CPSF7: variants seen among roughly 807,000 people sequenced by gnomAD.
CPSF7 encodes the protein cleavage and polyadenylation specificity factor subunit 7.
In CPSF7, 1 loss-of-function variant was observed where a neutral mutation model predicts 44.3. That is an observed-to-expected ratio of 0.02 (90% CI 0.01 to 0.11). CPSF7 has a LOEUF of 0.11. Ranked by LOEUF, CPSF7 falls within the 10% of genes least tolerant of loss-of-function variation. CPSF7 has a pLI of 1.00. For synonymous variants in CPSF7, 202 were observed against 222.0 expected (o/e 0.91, Z 0.80); for missense variants, 443 against 607.2 (o/e 0.73, Z 2.84).
intron 9 of CPSF7, chr11:61,410,564 C>T (rs1859764353): frequency 6.0e-6 from 1 of 167,930 alleles, no homozygotes; most frequent in Admixed American, 5.9e-5. Flanking sequence ...TGGACTCTCT[C>T]ACTAAAACTT....
intron 9 of CPSF7, among the ~76,000 whole-genome samples, chr11:61,405,307 ATGTGTGTACAC>A (rs1334610710): frequency 3.9e-5 from 6 of 152,180 alleles, no homozygotes; most frequent in Non-Finnish European, 8.8e-5. Flanking sequence ...CTTTATGAGT[ATGTGTGTACAC>A]AAACACAGCC....
At chr11:61,417,398 CT>C (rs1166900445) in intron 5 of CPSF7, among the ~76,000 whole-genome samples, 1 of 152,210 alleles carries the variant, frequency 6.6e-6, no homozygotes, top group East Asian at 1.9e-4. Flanking sequence ...TGTCAAGTCA[CT>C]TGGTTAAACT....
intron 5 of CPSF7, among the ~76,000 whole-genome samples, chr11:61,418,249 G>C (rs547754741): frequency 6.6e-6 from 1 of 152,316 alleles, no homozygotes; most frequent in African/African-American, 2.4e-5. Context: ...TATTTTGAGA[G>C]CTGGACCTAA....
rs1267508540 is a variant in CPSF7 at position 61,420,670 on chromosome 11, C to T, written c.274-97G>A. ...GGATTCTAGTCACAACTAAGTCCCC[C>T]CAGAGGAAACTCAAAAGCCTGGCAA... On this transcript the variant is annotated intron_variant, in intron 3 of 9. Transcript: ENST00000439958. The T allele has an allele frequency of 3.4e-5, 30 of 871,564 alleles. No homozygotes were observed. The South Asian group carries it at 3.9e-4, about 11-fold the overall frequency. The allele number at this position is 871,564 out of a possible 1,614,324, so 54.0% of individuals were successfully genotyped here. A position where few individuals can be genotyped will look rare whatever the true frequency, so the allele number is the denominator to read the frequency against.
intron 9 of CPSF7, among the ~76,000 whole-genome samples, chr11:61,409,671 T>G (rs1859672929): frequency 6.6e-6 from 1 of 151,618 alleles, no homozygotes; most frequent in South Asian, 2.1e-4. Flanking sequence ...ACCGTTTTTT[T>G]TTTTTTAAAG....
rs1236675484 is a variant in CPSF7, at chr11:61,418,623, C to T, written c.523+1326G>A. On this transcript the variant is annotated intron_variant, in intron 5 of 9. Transcript: ENST00000439958. ...CCTAATTGGGAAACCAAATTAGCATCAGAAAGTGGCTTAGTGAGTACAGTC... is the reference window on the plus strand; with the variant it reads ...CCTAATTGGGAAACCAAATTAGCATTAGAAAGTGGCTTAGTGAGTACAGTC... Among the ~76,000 whole-genome samples, 4 of 152,236 alleles carry T rather than the reference C, an allele frequency of 2.6e-5. No homozygotes were observed. In the East Asian group the frequency reaches 7.7e-4, roughly 29 times the overall value.
intron 7 of CPSF7, among the ~76,000 whole-genome samples, chr11:61,413,117 G>C (rs1860000305): frequency 6.6e-6 from 1 of 151,964 alleles, no homozygotes; most frequent in East Asian, 1.9e-4. Context: ...TAGAGATGGG[G>C]TCTCACTATG....
At chr11:61,405,004 CTT>C (rs1859177179) in intron 9 of CPSF7, among the ~76,000 whole-genome samples, 4 of 152,140 alleles carry the variant, frequency 2.6e-5, no homozygotes, top group Admixed American at 2.6e-4. Flanking sequence ...GAAAAGGAGA[CTT>C]TGGCTGCAAA....
At chr11:61,407,958 G>A (rs1015555057) in intron 9 of CPSF7, among the ~76,000 whole-genome samples, 4 of 151,780 alleles carry the variant, frequency 2.6e-5, no homozygotes, top group African/African-American at 7.3e-5. Flanking sequence ...TCCAGATATC[G>A]CCATCCCAAA....
intron 5 of CPSF7, among the ~76,000 whole-genome samples, chr11:61,417,431 C>G (rs1312319559): frequency 1.3e-5 from 2 of 152,200 alleles, no homozygotes; most frequent in African/African-American, 4.8e-5. Context: ...TCCAGTTTAA[C>G]AGTCTAAGCC....
intron 1 of CPSF7, chr11:61,429,510 C>T (rs1265110569): frequency 5.7e-5 from 31 of 540,172 alleles, no homozygotes; most frequent in Non-Finnish European, 1.9e-5. Context: ...CGGGTAGCGC[C>T]GCGTCTGCGC....
At chr11:61,408,272 AGGAT>A (rs1859511057) in intron 9 of CPSF7, among the ~76,000 whole-genome samples, 1 of 152,034 alleles carries the variant, frequency 6.6e-6, no homozygotes, top group African/African-American at 2.4e-5. Context: ...CGTGTTAGCC[AGGAT>A]GGTCTCGGTC....
Position 61,429,943 on chromosome 11 carries a change from C to A in CPSF7, c.-85G>T. Reference sequence around the variant, plus strand: ...AATATGGCGGCGGCGGCGGCGAGTCCGGACTAGGCCCGAAGCGCGCGAACC... The same window carrying A: ...AATATGGCGGCGGCGGCGGCGAGTCAGGACTAGGCCCGAAGCGCGCGAACC... On this transcript the variant is annotated 5_prime_UTR_variant, in exon 1 of 10. Transcript: ENST00000439958. 7.2e-7 allele frequency: 1 copy of A among 1,394,138 alleles called. No homozygotes were observed. Among genetic ancestry groups the A allele is most frequent in the Admixed American group, 2.3e-5 (1 of 43,104 alleles). The allele number at this position is 1,394,138 out of a possible 1,614,324, so 86.4% of individuals were successfully genotyped here.
Position 61,421,502 on chromosome 11 carries a change from G to A in CPSF7, c.161C>T (p.Pro54Leu). 1 of 1,614,120 alleles carries A rather than the reference G, an allele frequency of 6.2e-7. No individual in the cohort carries two copies. The highest frequency in any genetic ancestry group is 1.3e-5 in the African/African-American group (1 of 75,028). ...CTTGGGAGATGGCTCCTGGCGAACA[G>A]GAGGAGGTGGTTCAGTGCTGCTGCT... is the stretch of plus-strand genomic sequence containing the variant. ...DRSSSTEPPP[P>L]VRQEPSPKPN... The change falls in exon 3 of 10, where the codon CCT (proline) becomes CTT (leucine). Residue 54 changes from proline (P) to leucine (L), a missense_variant. Pro to Leu is a moderately conservative substitution (Grantham distance 98). Transcript: ENST00000439958.
chr11:61,420,380 G>A, intron 4 of CPSF7, 90 bp downstream of exon 4: 1 of 1,166,476 alleles, frequency 8.6e-7, no homozygotes, highest in Non-Finnish European at 1.3e-6. Context: ...CCAGGGGTGG[G>A]AGTGATTAAA....
chr11:61,429,844 C>A, intron 1 of CPSF7, 70 bp downstream of exon 1: 1 of 1,545,662 alleles, frequency 6.5e-7, no homozygotes, highest in Non-Finnish European at 8.7e-7. Flanking sequence ...AACCGACCCC[C>A]TTCCCGCCTC....
intron 1 of CPSF7, 188 bp downstream of exon 1, chr11:61,429,726 G>A (rs1192505814): frequency 5.9e-5 from 91 of 1,538,052 alleles, no homozygotes; most frequent in Non-Finnish European, 7.3e-5. Flanking sequence ...TTCGCCCCCA[G>A]CTAGGCCCGC....
Position 61,421,478 on chromosome 11 carries a change from T to C in CPSF7, c.185A>G (p.Lys62Arg), listed in dbSNP as rs1361801355. 6.2e-7 allele frequency: 1 copy of C among 1,614,018 alleles called. No homozygotes were observed. The highest frequency in any genetic ancestry group is 1.3e-5 in the African/African-American group (1 of 74,914). Residue 62 changes from lysine (K) to arginine (R), a missense_variant, in exon 3 of 10, where the codon AAG (lysine) becomes AGG (arginine). By Grantham distance (26) the Lys-to-Arg change is conservative. Transcript: ENST00000439958. ...PPPVRQEPSP[K>R]PNNKTPAILY... is the part of the protein sequence containing the mutation. Reference sequence around the variant, plus strand: ...AATTGCAGGGGTCTTGTTGTTGGGCTTGGGAGATGGCTCCTGGCGAACAGG... The same window carrying C: ...AATTGCAGGGGTCTTGTTGTTGGGCCTGGGAGATGGCTCCTGGCGAACAGG...
At chr11:61,415,408 C>T (rs550524773) in intron 7 of CPSF7, among the ~76,000 whole-genome samples, 7 of 152,066 alleles carry the variant, frequency 4.6e-5, no homozygotes, top group Non-Finnish European at 1.0e-4. Flanking sequence ...AACACCACAT[C>T]GAGATGGTAT....
Sources: gnomAD v4.1 joint callset for allele counts (sites outside exome capture counted in the v4.1 genomes callset) on GRCh38, gnomAD v4.1.1 for gene constraint, MANE v1.5 for transcripts, NCBI Gene and HGNC (gene_info 2026-07-23, HGNC 2026-07-21) for gene names.